HADH: variants seen among roughly 807,000 people sequenced by gnomAD.
The protein encoded by HADH is hydroxyacyl-coenzyme A dehydrogenase, mitochondrial.
A neutral mutation model predicts 32.2 loss-of-function variants in HADH; 24 were observed. That is an observed-to-expected ratio of 0.75 (90% CI 0.54 to 1.05). HADH has a LOEUF of 1.05. Among genes scored for constraint, HADH ranks in the 50% least tolerant of loss-of-function variants. The pLI is 0.00. For synonymous variants in HADH, 139 were observed against 152.5 expected, an observed-to-expected ratio of 0.91 and a Z score of 0.65; for missense variants, 350 against 397.1, an observed-to-expected ratio of 0.88 and a Z score of 1.01.
At chr4:108,008,569 G>A (rs1412078592) in intron 1 of HADH, among the ~76,000 whole-genome samples, 2 of 152,008 alleles carry the variant, frequency 1.3e-5, no homozygotes, top group East Asian at 1.9e-4. Flanking sequence ...TTGAGTTTTG[G>A]TTGCCTTGCT....
Position 108,023,557 on chromosome 4 carries a change from T to A in HADH, c.630T>A (p.Ser210=). Residue 210 remains serine (S), a synonymous_variant, in exon 5 of 8, where the codon TCT becomes TCA. Coordinates refer to ENST00000309522, the MANE Select transcript of HADH (RefSeq NM_005327.7). ...FSKALGKHPV[S]CKDTPGFIVN... Reference sequence around the variant, plus strand: ...AAGCCCTAGGAAAGCATCCTGTTTCTTGCAAGGTAAGAGTATGGGTAGCTT... The same window carrying A: ...AAGCCCTAGGAAAGCATCCTGTTTCATGCAAGGTAAGAGTATGGGTAGCTT... 6.3e-7 allele frequency: 1 copy of A among 1,585,856 alleles called. No homozygotes were observed. Among genetic ancestry groups the A allele is most frequent in the South Asian group, 1.1e-5 (1 of 90,496 alleles).
At chr4:107,996,438 G>T (rs934662295) in intron 1 of HADH, among the ~76,000 whole-genome samples, 2 of 151,988 alleles carry the variant, frequency 1.3e-5, no homozygotes, top group Non-Finnish European at 2.9e-5. Context: ...GGTTATCTGG[G>T]TTATTATGAA....
intron 3 of HADH, among the ~76,000 whole-genome samples, chr4:108,014,901 C>G (rs1262081474): frequency 6.6e-6 from 1 of 152,128 alleles, no homozygotes; most frequent in East Asian, 1.9e-4. Flanking sequence ...TGGTATTTGA[C>G]TGAGTTGTTT....
intron 6 of HADH, chr4:108,032,887 C>G: frequency 4.8e-6 from 2 of 412,994 alleles, no homozygotes; most frequent in Non-Finnish European, 9.1e-6. Context: ...GAGGCTGAGG[C>G]AGGAGAATCA....
At chr4:108,000,632 A>G (rs1435630814) in intron 1 of HADH, among the ~76,000 whole-genome samples, 2 of 152,212 alleles carry the variant, frequency 1.3e-5, no homozygotes, top group Non-Finnish European at 2.9e-5. Context: ...TAGAGGCACA[A>G]AAGAAGTGAT....
chr4:108,020,989 C>G (rs916530793), intron 4 of HADH, among the ~76,000 whole-genome samples: 1 of 152,152 alleles, frequency 6.6e-6, no homozygotes, highest in African/African-American at 2.4e-5. Flanking sequence ...ACAACTTTGA[C>G]CATCTTGCAA....
Position 108,034,257 on chromosome 4 carries a change from C to T in HADH, c.845C>T (p.Ala282Val). Reference protein sequence around the residue: ...FIVDGWHEMDAENPLHQPSPS... With the variant: ...FIVDGWHEMDVENPLHQPSPS... The stretch of plus-strand genomic sequence containing the variant: ...TCAATAGGGTGGCATGAAATGGATG[C>T]AGAGAACCCATTACATCAGCCCAGC... Residue 282 changes from alanine (A) to valine (V), a missense_variant, in exon 8 of 8, where the codon GCA (alanine) becomes GTA (valine). By Grantham distance (64) the Ala-to-Val change is moderately conservative. Coordinates refer to ENST00000309522, the MANE Select transcript of HADH (RefSeq NM_005327.7). 6.2e-7 allele frequency: 1 copy of T among 1,609,746 alleles called. No homozygotes were observed. Among genetic ancestry groups the T allele is most frequent in the Non-Finnish European group, 8.5e-7 (1 of 1,175,938 alleles).
chr4:107,998,014 C>T (rs922568311), intron 1 of HADH, among the ~76,000 whole-genome samples: 6 of 152,142 alleles, frequency 3.9e-5, no homozygotes, highest in African/African-American at 1.4e-4. Flanking sequence ...GAAAGAGCCA[C>T]CAGGTCTCAT....
intron 1 of HADH, among the ~76,000 whole-genome samples, chr4:108,001,122 A>C (rs1028911094): frequency 3.3e-5 from 5 of 152,212 alleles, no homozygotes; most frequent in Admixed American, 2.6e-4. Flanking sequence ...TAGCATTTGA[A>C]ATGGGCCTGA....
intron 2 of HADH, among the ~76,000 whole-genome samples, chr4:108,012,331 G>A (rs1225898625): frequency 6.6e-6 from 1 of 152,170 alleles, no homozygotes; most frequent in Non-Finnish European, 1.5e-5. Flanking sequence ...AGAAATGCTT[G>A]TTCTTTGGTG....
At chr4:108,010,755 G>GA (rs1289326509) in intron 2 of HADH, among the ~76,000 whole-genome samples, 1 of 151,900 alleles carries the variant, frequency 6.6e-6, no homozygotes, top group East Asian at 1.9e-4. Flanking sequence ...CATGTAAGTG[G>GA]AATCATACAA....
In HADH at chr4:108,034,820, A is replaced by G; in HGVS notation, c.*463A>G. ...AGCACCTGGATCTTGCCTTTATAAG[A>G]ACATTTTACTACCTGCAGCTTTGAG... On this transcript the variant is annotated 3_prime_UTR_variant, in exon 8 of 8. Transcript: ENST00000309522. The G allele has an allele frequency of 3.7e-6, 1 of 272,242 alleles. No homozygotes were observed. Among genetic ancestry groups the G allele is most frequent in the South Asian group, 4.2e-5 (1 of 23,834 alleles). 16.9% of individuals were successfully genotyped at this position (272,242 alleles called of 1,614,324 possible).
chr4:108,032,513 G>T, intron 6 of HADH: 1 of 577,926 alleles, frequency 1.7e-6, no homozygotes, highest in South Asian at 2.8e-5. Flanking sequence ...TTCTTTTTAA[G>T]AAAGTTTATT....
chr4:108,002,310 T>C (rs1422294291), intron 1 of HADH, among the ~76,000 whole-genome samples: 1 of 152,080 alleles, frequency 6.6e-6, no homozygotes, highest in African/African-American at 2.4e-5. Flanking sequence ...GGATCAAGAG[T>C]TGCATTAGAT....
chr4:108,023,619 T>C, intron 5 of HADH, 56 bp downstream of exon 5: 1 of 959,926 alleles, frequency 1.0e-6, no homozygotes, highest in Non-Finnish European at 1.7e-6. Flanking sequence ...GGACCCTGAC[T>C]TGTTCCTGGT....
At chr4:108,014,862 T>C (rs1735640834) in intron 3 of HADH, among the ~76,000 whole-genome samples, 1 of 152,198 alleles carries the variant, frequency 6.6e-6, no homozygotes, top group African/African-American at 2.4e-5. Context: ...GTACCTGTTA[T>C]TTAGCTATCA....
chr4:108,018,491 G>A (rs970584634), intron 3 of HADH, among the ~76,000 whole-genome samples: 1 of 152,104 alleles, frequency 6.6e-6, no homozygotes, highest in African/African-American at 2.4e-5. Flanking sequence ...TGTTGGAGAA[G>A]GTGGATGTGC....
At chr4:107,996,561 T>C (rs765408504) in intron 1 of HADH, among the ~76,000 whole-genome samples, 10 of 152,056 alleles carry the variant, frequency 6.6e-5, no homozygotes, top group Non-Finnish European at 1.0e-4. Context: ...AAATTCGAAG[T>C]CTAATAAAGG....
chr4:108,004,991 G>A (rs969295688), intron 1 of HADH: 2 of 1,103,616 alleles, frequency 1.8e-6, no homozygotes, highest in Admixed American at 2.1e-5. Flanking sequence ...TGATAATACT[G>A]TATTCAGTTT....
Sources: gnomAD v4.1 joint callset for allele counts (sites outside exome capture counted in the v4.1 genomes callset) on GRCh38, gnomAD v4.1.1 for gene constraint, MANE v1.5 for transcripts, NCBI Gene and HGNC (gene_info 2026-07-23, HGNC 2026-07-21) for gene names.